Variants in FBLN5 observed in about 807,000 individuals in gnomAD.
FBLN5 encodes the protein fibulin-5.
In FBLN5, 24 loss-of-function variants were observed where a neutral mutation model predicts 61.6. The ratio of observed to expected loss-of-function variants is 0.39; its 90% confidence interval spans 0.28 to 0.55. FBLN5 has a LOEUF of 0.55. FBLN5 is among the 20% of genes least tolerant of loss of function. The pLI is 0.65. For synonymous variants in FBLN5, 213 were observed against 219.8 expected (o/e 0.97, Z 0.27); for missense variants, 470 against 594.1 (o/e 0.79, Z 2.17).
At chr14:91,893,470 A>G (rs144005353) in intron 5 of FBLN5, among the ~76,000 whole-genome samples, 12 of 152,348 alleles carry the variant, frequency 7.9e-5, no homozygotes, top group African/African-American at 2.6e-4. Flanking sequence ...ACTCAGCCTC[A>G]ATCAAGAAAC....
intron 4 of FBLN5, among the ~76,000 whole-genome samples, chr14:91,911,150 A>AT (rs1890911850): frequency 1.3e-5 from 2 of 152,030 alleles, no homozygotes; most frequent in African/African-American, 4.8e-5. Flanking sequence ...TGCCCAGCTA[A>AT]TTTTTGTATT....
chr14:91,947,429 G>A lies in FBLN5; in HGVS notation c.-200C>T. ...AGCCACTGCAGAGCCCTCAGCGCAAGCACCTGGTTTTGCTTAGCCCTCTTC... is the reference window on the plus strand; with the variant it reads ...AGCCACTGCAGAGCCCTCAGCGCAAACACCTGGTTTTGCTTAGCCCTCTTC... On this transcript the variant is annotated 5_prime_UTR_variant, in exon 1 of 11. Transcript: ENST00000342058. The surrounding 1 kb of genome is among the most constrained non-coding windows in gnomAD (Gnocchi z 4.3). The A allele has an allele frequency of 1.5e-6, 1 of 654,452 alleles. No individual in the cohort carries two copies. The highest frequency in any genetic ancestry group is 2.7e-6 in the Non-Finnish European group (1 of 364,172). The allele number at this position is 654,452 out of a possible 1,614,324, so 40.5% of individuals were successfully genotyped here. A position where few individuals can be genotyped will look rare whatever the true frequency, so the allele number is the denominator to read the frequency against.
At chr14:91,872,363 C>A (rs1888980181) in intron 10 of FBLN5, among the ~76,000 whole-genome samples, 2 of 152,148 alleles carry the variant, frequency 1.3e-5, no homozygotes, top group Admixed American at 1.3e-4. Flanking sequence ...CAGATATTGG[C>A]ACTGTTAGAG....
intron 7 of FBLN5, 140 bp downstream of exon 7, chr14:91,887,053 C>A: frequency 1.1e-6 from 1 of 891,136 alleles, no homozygotes; most frequent in South Asian, 1.3e-5. Flanking sequence ...GTGATTCTGA[C>A]CCCACTGCCC....
intron 10 of FBLN5, 145 bp from the exon 11 acceptor site, chr14:91,870,530 C>A (rs1490274855): frequency 2.6e-5 from 20 of 773,690 alleles, no homozygotes; most frequent in Non-Finnish European, 3.8e-5. Context: ...TGGCTTTGCC[C>A]ACTCTCCACC....
chr14:91,881,800 TA>T (rs1244386789), intron 8 of FBLN5, among the ~76,000 whole-genome samples: 3 of 151,376 alleles, frequency 2.0e-5, no homozygotes, highest in Non-Finnish European at 4.4e-5. Context: ...TTTTTTAATT[TA>T]AAAAAAGAAT....
At position 91,937,339 on chromosome 14, in the gene FBLN5, G is replaced by C. The variant is rs149108123; in HGVS notation, c.125-138C>G. ...GGTGGTCCCAACTCATCGCGGTAAG[G>C]TACCCCAAATGTTGGCTGAAGTGTA... On this transcript the variant is annotated intron_variant, in intron 3 of 10. Coordinates refer to ENST00000342058, the MANE Select transcript of FBLN5 (RefSeq NM_006329.4). 1,057 of 1,101,150 alleles carry C rather than the reference G, an allele frequency of 9.6e-4. 10 individuals carry two copies. The African/African-American group carries it at 0.015, about 15-fold the overall frequency. The allele number at this position is 1,101,150 out of a possible 1,614,324, so 68.2% of individuals were successfully genotyped here. A position where few individuals can be genotyped will look rare whatever the true frequency, so the allele number is the denominator to read the frequency against.
chr14:91,894,822 C>CT, intron 5 of FBLN5, 128 bp downstream of exon 5: 2 of 417,558 alleles, frequency 4.8e-6, no homozygotes, highest in Non-Finnish European at 4.9e-6. Context: ...TAGCCTTCCA[C>CT]CCCTCCCGCC....
rs200525690 is a variant in FBLN5, at chr14:91,942,809, C to T, written c.72+98G>A. On this transcript the variant is annotated intron_variant, in intron 2 of 10. Coordinates refer to ENST00000342058, the MANE Select transcript of FBLN5 (RefSeq NM_006329.4). ...GATGAGGTCAACTGTAAAGCCACTCCCACCCCCACAAACCTAGGGTTCCGT... is the reference window on the plus strand; with the variant it reads ...GATGAGGTCAACTGTAAAGCCACTCTCACCCCCACAAACCTAGGGTTCCGT... The T allele has an allele frequency of 1.7e-4, 132 of 770,288 alleles. 2 individuals carry two copies. The East Asian group carries it at 3.2e-3, about 18-fold the overall frequency. The allele number at this position is 770,288 out of a possible 1,614,324, so 47.7% of individuals were successfully genotyped here. A position where few individuals can be genotyped will look rare whatever the true frequency, so the allele number is the denominator to read the frequency against.
At chr14:91,942,584 G>A (rs1293869696) in intron 2 of FBLN5, among the ~76,000 whole-genome samples, 2 of 152,228 alleles carry the variant, frequency 1.3e-5, no homozygotes, top group African/African-American at 2.4e-5. Context: ...AAACCACCAT[G>A]GCCCACATTT....
chr14:91,883,640 C>A (rs1889579966), intron 7 of FBLN5, among the ~76,000 whole-genome samples: 2 of 22,082 alleles, frequency 9.1e-5, no homozygotes, highest in Admixed American at 7.2e-4. Context: ...TAAAACTTCA[C>A]TGTGTAAAAA....
intron 5 of FBLN5, among the ~76,000 whole-genome samples, chr14:91,892,814 T>C (rs1249359627): frequency 1.3e-5 from 2 of 152,196 alleles, no homozygotes; most frequent in African/African-American, 2.4e-5. Flanking sequence ...AGTGTGTGGC[T>C]ATGGAACTTG....
intron 4 of FBLN5, among the ~76,000 whole-genome samples, chr14:91,896,182 G>C (rs1006568737): frequency 1.3e-5 from 2 of 152,164 alleles, no homozygotes; most frequent in Admixed American, 1.3e-4. Flanking sequence ...CACTTTAGGG[G>C]AGAGCGCCCA....
chr14:91,877,383 GT>G lies in FBLN5; in HGVS notation c.1185+103del, dbSNP rs1889216128. On this transcript the variant is annotated intron_variant, in intron 10 of 10. Coordinates refer to ENST00000342058, the MANE Select transcript of FBLN5 (RefSeq NM_006329.4). Reference sequence around the variant, plus strand: ...CCTCCACTCTTCTCTCTGCCTACCTGTCCCCCAGCCCCACTCTTACCTGCTT... The same window carrying G: ...CCTCCACTCTTCTCTCTGCCTACCTGCCCCCAGCCCCACTCTTACCTGCTT... 3.4e-5 allele frequency: 32 copies of G among 938,726 alleles called. No homozygotes were observed. The South Asian group carries it at 4.1e-4, about 12-fold the overall frequency. 58.1% of individuals were successfully genotyped at this position (938,726 alleles called of 1,614,324 possible).
intron 4 of FBLN5, among the ~76,000 whole-genome samples, chr14:91,922,884 T>C (rs1437991576): frequency 2.0e-5 from 3 of 152,050 alleles, no homozygotes; most frequent in African/African-American, 7.2e-5. Context: ...TTTTCAGGGG[T>C]CTCGGCAGAG....
intron 4 of FBLN5, among the ~76,000 whole-genome samples, chr14:91,896,336 T>G (rs1019082247): frequency 7.2e-5 from 11 of 152,090 alleles, no homozygotes; most frequent in Admixed American, 6.5e-5. Flanking sequence ...CCCCAAAACC[T>G]TTTCTCCTTG....
At chr14:91,928,298 T>C (rs932120020) in intron 4 of FBLN5, among the ~76,000 whole-genome samples, 2 of 152,242 alleles carry the variant, frequency 1.3e-5, no homozygotes, top group Non-Finnish European at 2.9e-5. Flanking sequence ...GCAGGAAACC[T>C]GAGAAATCAT....
intron 5 of FBLN5, 124 bp downstream of exon 5, chr14:91,894,826 T>G: frequency 6.3e-6 from 1 of 159,364 alleles, no homozygotes; most frequent in Non-Finnish European, 1.3e-5. Flanking sequence ...CTTCCACCCC[T>G]CCCGCCCTCC....
rs202179114 is a variant in FBLN5, at chr14:91,935,704, T to TA, written c.379+1242dup. On this transcript the variant is annotated intron_variant, in intron 4 of 10. Transcript: ENST00000342058. ...TGAAGAAGTTGAAGTTAAAGATTGG[T>TA]AAAAAAAAGTCCCTTCCAGTTACAA... Among the ~76,000 whole-genome samples the TA allele has an allele frequency of 1.6e-3, 240 of 152,080 alleles. 1 individual carries two copies. The highest frequency in any genetic ancestry group is 3.4e-3 in the Middle Eastern group (1 of 294).
Sources: gnomAD v4.1 joint callset for allele counts (sites outside exome capture counted in the v4.1 genomes callset) on GRCh38, gnomAD v4.1.1 for gene constraint, Gnocchi (gnomAD v3.1) non-coding constraint, MANE v1.5 for transcripts, NCBI Gene and HGNC (gene_info 2026-07-23, HGNC 2026-07-21) for gene names.